The following DTNB variants were observed in gnomAD, a reference collection of about 807,000 sequenced individuals.
DTNB encodes the protein dystrobrevin beta.
A neutral mutation model predicts 90.7 loss-of-function variants in DTNB; 63 were observed. That is an observed-to-expected ratio of 0.69 (90% CI 0.57 to 0.86). The LOEUF is 0.86. DTNB is among the 40% of genes least tolerant of loss of function. The pLI, the probability that DTNB is intolerant of heterozygous loss-of-function variation, is 0.00. For synonymous variants in DTNB, 277 were observed against 286.7 expected, an observed-to-expected ratio of 0.97 and a Z score of 0.34; for missense variants, 744 against 807.1, an observed-to-expected ratio of 0.92 and a Z score of 0.95.
chr2:25,396,598 T>C lies in DTNB; in HGVS notation c.1576-8237A>G, dbSNP rs570321808. Among the ~76,000 whole-genome samples the C allele has an allele frequency of 7.3e-5, 11 of 151,712 alleles. No homozygotes were observed. The East Asian group carries it at 9.7e-4, about 13-fold the overall frequency. On this transcript the variant is annotated intron_variant, in intron 16 of 20. Coordinates refer to ENST00000406818, the MANE Select transcript of DTNB (RefSeq NM_021907.5). ...GGGGTGAGGGATAAAAGACTACACA[T>C]TGGGTACAGTGTACACTGCTTGGGT...
chr2:25,665,815 T>C (rs756084614), intron 1 of DTNB, among the ~76,000 whole-genome samples: 1 of 150,022 alleles, frequency 6.7e-6, no homozygotes, highest in Admixed American at 6.6e-5. Context: ...TAAATGTTCA[T>C]AAAACCTTAA....
intron 16 of DTNB, among the ~76,000 whole-genome samples, chr2:25,416,804 CGAAGGAAG>C (rs56106629): frequency 0.12 from 15,480 of 129,986 alleles, 952 homozygotes; most frequent in Middle Eastern, 0.13. Flanking sequence ...AAGGAAGGAA[CGAAGGAAG>C]GAAGGAAGGA....
chr2:25,504,750 G>A (rs575336551), intron 9 of DTNB, among the ~76,000 whole-genome samples: 2 of 152,156 alleles, frequency 1.3e-5, no homozygotes, highest in Non-Finnish European at 2.9e-5. Context: ...GATTTCACAT[G>A]TTCATAGATT....
At chr2:25,589,543 G>A (rs1297346793) in intron 6 of DTNB, among the ~76,000 whole-genome samples, 3 of 151,620 alleles carry the variant, frequency 2.0e-5, no homozygotes, top group African/African-American at 4.8e-5. Flanking sequence ...ACCACGCCTG[G>A]CTAATTTTTG....
intron 16 of DTNB, among the ~76,000 whole-genome samples, chr2:25,399,886 C>T (rs547713771): frequency 2.3e-5 from 2 of 88,790 alleles, no homozygotes; most frequent in East Asian, 5.0e-4. Context: ...AAGTTAACCT[C>T]GTCTCAGACA....
intron 16 of DTNB, among the ~76,000 whole-genome samples, chr2:25,408,568 C>T (rs1407569910): frequency 2.1e-5 from 3 of 145,694 alleles, no homozygotes; most frequent in Non-Finnish European, 3.0e-5. Context: ...AAAAAAGCAC[C>T]ACTTTAGCTG....
At chr2:25,652,687 A>G (rs2081203884) in intron 1 of DTNB, 26 bp from the exon 2 acceptor site, 3 of 1,601,702 alleles carry the variant, frequency 1.9e-6, no homozygotes, top group Non-Finnish European at 2.6e-6. Flanking sequence ...GATACAATAA[A>G]CCACTGTATA....
intron 2 of DTNB, among the ~76,000 whole-genome samples, chr2:25,641,958 C>T (rs778739164): frequency 1.3e-5 from 2 of 152,058 alleles, no homozygotes; most frequent in Non-Finnish European, 2.9e-5. Context: ...GTAGCTGGGA[C>T]AACAGGCACC....
At chr2:25,463,840 A>C (rs1356205500) in intron 10 of DTNB, among the ~76,000 whole-genome samples, 3 of 152,212 alleles carry the variant, frequency 2.0e-5, no homozygotes, top group Non-Finnish European at 4.4e-5. Context: ...CAAATACCTT[A>C]ATGCAGATAC....
chr2:25,550,409 A>AAAAC (rs999834337), intron 8 of DTNB, among the ~76,000 whole-genome samples: 1 of 152,000 alleles, frequency 6.6e-6, no homozygotes, highest in South Asian at 2.1e-4. Context: ...AAACAAAAAC[A>AAAAC]AAACAAACAA....
intron 12 of DTNB, among the ~76,000 whole-genome samples, chr2:25,447,547 C>G (rs965518820): frequency 1.3e-5 from 2 of 149,638 alleles, no homozygotes; most frequent in Admixed American, 6.7e-5. Flanking sequence ...CTCTGTTGCC[C>G]AGGCTGGAGT....
chr2:25,429,498 A>G (rs1200711230), intron 14 of DTNB, among the ~76,000 whole-genome samples: 3 of 152,106 alleles, frequency 2.0e-5, no homozygotes, highest in African/African-American at 7.2e-5. Context: ...TCATTCCGTA[A>G]TGTCTGACCC....
intron 8 of DTNB, among the ~76,000 whole-genome samples, chr2:25,575,430 A>C (rs2060513850): frequency 1.3e-5 from 2 of 150,692 alleles, no homozygotes; most frequent in African/African-American, 4.9e-5. Flanking sequence ...CACCACCACC[A>C]AAAAAAATGG....
rs533955824 is a variant in DTNB at position 25,568,825 on chromosome 2, TCTC to T, written c.876+8010_876+8012del. Among the ~76,000 whole-genome samples, 17 of 152,254 alleles carry T rather than the reference TCTC, an allele frequency of 1.1e-4. No individual in the cohort carries two copies. In the South Asian group the frequency reaches 3.1e-3, roughly 28 times the overall value. ...ACCGGCACCATGAGTGGAGTCCCGTTCTCCTCCCCTTCATTCTGGGCTGGCCTC... is the reference window on the plus strand; with the variant it reads ...ACCGGCACCATGAGTGGAGTCCCGTTCTCCCCTTCATTCTGGGCTGGCCTC... On this transcript the variant is annotated intron_variant, in intron 8 of 20. Transcript: ENST00000406818.
chr2:25,475,721 C>T (rs915815969), intron 10 of DTNB, among the ~76,000 whole-genome samples: 1 of 152,196 alleles, frequency 6.6e-6, no homozygotes, highest in African/African-American at 2.4e-5. Flanking sequence ...CTTGCTGGGG[C>T]TAATGCAGCT....
At chr2:25,434,709 T>C (rs564031469) in intron 12 of DTNB, among the ~76,000 whole-genome samples, 1 of 152,270 alleles carries the variant, frequency 6.6e-6, no homozygotes, top group East Asian at 1.9e-4. Flanking sequence ...TGTTTTCATT[T>C]CTCTTGGGTA....
intron 10 of DTNB, among the ~76,000 whole-genome samples, chr2:25,476,086 GAGA>G (rs2063697495): frequency 5.6e-4 from 55 of 98,116 alleles, no homozygotes; most frequent in African/African-American, 2.0e-3. Context: ...TTTTTTTTTT[GAGA>G]AGTAGTTTCG....
At chr2:25,440,074 G>A (rs2057014961) in intron 12 of DTNB, among the ~76,000 whole-genome samples, 1 of 152,154 alleles carries the variant, frequency 6.6e-6, no homozygotes. Context: ...CTCGGGGGTT[G>A]TAGCATCTAG....
Position 25,427,571 on chromosome 2 carries a change from C to A in DTNB, c.1518G>T (p.Leu506=), listed in dbSNP as rs1210721535. The A allele has an allele frequency of 1.2e-6, 2 of 1,613,844 alleles. No individual in the cohort carries two copies. The highest frequency in any genetic ancestry group is 2.2e-5 in the South Asian group (2 of 91,072). Residue 506 remains leucine, a synonymous_variant, in exon 15 of 21, where the codon CTG becomes CTT. Transcript: ENST00000406818. ...TCATCAGCTCTTCCAGCTGGACCAT[C>A]AGCTCCCGCCTGCTCTCCTGCAGGG... ...MSALQESRRE[L]MVQLEELMKL... is the part of the protein sequence containing the mutation.
Sources: gnomAD v4.1 joint callset for allele counts (sites outside exome capture counted in the v4.1 genomes callset) on GRCh38, gnomAD v4.1.1 for gene constraint, MANE v1.5 for transcripts, NCBI Gene and HGNC (gene_info 2026-07-23, HGNC 2026-07-21) for gene names.